NKAIN3: variants seen among roughly 807,000 people sequenced by gnomAD.
NKAIN3 encodes sodium/potassium transporting ATPase interacting 3, also known as sodium/potassium-transporting ATPase subunit beta-1-interacting protein 3.
NKAIN3 carries 25 observed loss-of-function variants against 30.2 expected under a neutral mutation model. The ratio of observed to expected loss-of-function variants is 0.83; its 90% CI spans 0.60 to 1.16. The LOEUF (loss-of-function observed/expected upper bound fraction) is 1.16, where lower values mean the gene tolerates loss of function less well. Ranked by LOEUF, NKAIN3 falls within the 50% of genes most tolerant of loss-of-function variation. The pLI is 0.00. For synonymous variants in NKAIN3, 91 were observed against 89.6 expected (o/e 1.02, Z -0.09); for missense variants, 225 against 254.1 (o/e 0.89, Z 0.78).
At chr8:62,811,945 G>GTT (rs142126650) in intron 4 of NKAIN3, among the ~76,000 whole-genome samples, 47 of 149,934 alleles carry the variant, frequency 3.1e-4, no homozygotes, top group Middle Eastern at 6.8e-3. Context: ...TTTCTCCTGT[G>GTT]TTTTTTTTTC....
chr8:62,381,506 A>G (rs1255957756), intron 1 of NKAIN3, among the ~76,000 whole-genome samples: 1 of 151,688 alleles, frequency 6.6e-6, no homozygotes. Context: ...ACATATATAT[A>G]TACATACACA....
intron 4 of NKAIN3, among the ~76,000 whole-genome samples, chr8:62,844,534 C>T (rs1022769407): frequency 6.6e-6 from 1 of 152,002 alleles, no homozygotes; most frequent in Non-Finnish European, 1.5e-5. Flanking sequence ...TACTTTTTAC[C>T]CAAGAATAGA....
At chr8:62,565,141 A>G (rs1267507859) in intron 1 of NKAIN3, among the ~76,000 whole-genome samples, 1 of 152,158 alleles carries the variant, frequency 6.6e-6, no homozygotes, top group African/African-American at 2.4e-5. Flanking sequence ...AGATTTTTAT[A>G]TCAATACATC....
intron 1 of NKAIN3, among the ~76,000 whole-genome samples, chr8:62,289,758 GT>G (rs1234329229): frequency 3.9e-5 from 6 of 152,118 alleles, no homozygotes; most frequent in African/African-American, 1.4e-4. Context: ...CTTTAAAGTA[GT>G]TTTTTCCAGT....
intron 1 of NKAIN3, among the ~76,000 whole-genome samples, chr8:62,382,949 C>G (rs1197216113): frequency 6.6e-6 from 1 of 152,150 alleles, no homozygotes; most frequent in Non-Finnish European, 1.5e-5. Context: ...GTAATCTTCA[C>G]AGACTTTCAC....
intron 1 of NKAIN3, among the ~76,000 whole-genome samples, chr8:62,376,456 T>A (rs1817087372): frequency 6.6e-6 from 1 of 152,202 alleles, no homozygotes; most frequent in African/African-American, 2.4e-5. Context: ...AGTCTGCTAG[T>A]CTTTTCAAGT....
At chr8:62,415,844 G>C (rs1973021) in intron 1 of NKAIN3, among the ~76,000 whole-genome samples, 20,983 of 151,682 alleles carry the variant, frequency 0.14, 1,735 homozygotes, top group East Asian at 0.41. Flanking sequence ...GGCAAGCTCT[G>C]CCTCCCGGGT....
intron 3 of NKAIN3, among the ~76,000 whole-genome samples, chr8:62,732,481 A>C (rs1191897905): frequency 2.0e-5 from 3 of 152,082 alleles, no homozygotes; most frequent in Non-Finnish European, 4.4e-5. Flanking sequence ...TATAATTTTC[A>C]TAAATGCTTC....
chr8:62,737,827 T>A (rs1468611571), intron 3 of NKAIN3, among the ~76,000 whole-genome samples: 1 of 152,118 alleles, frequency 6.6e-6, no homozygotes, highest in Non-Finnish European at 1.5e-5. Flanking sequence ...ACAAGATAAT[T>A]TTTTTTCCTT....
intron 4 of NKAIN3, among the ~76,000 whole-genome samples, chr8:62,838,885 A>AT (rs1213425516): frequency 6.6e-6 from 1 of 152,118 alleles, no homozygotes; most frequent in Admixed American, 6.6e-5. Flanking sequence ...TAAAAGAGTG[A>AT]TTTTTTATTA....
intron 1 of NKAIN3, among the ~76,000 whole-genome samples, chr8:62,293,892 G>A (rs1318192992): frequency 6.6e-6 from 1 of 152,140 alleles, no homozygotes; most frequent in Admixed American, 6.5e-5. Flanking sequence ...CACCCAGTTC[G>A]AGCTTCCAGG....
At chr8:62,928,211 A>G (rs7821305) in intron 5 of NKAIN3, among the ~76,000 whole-genome samples, 6,035 of 152,300 alleles carry the variant, frequency 0.04, 363 homozygotes, top group African/African-American at 0.13. Flanking sequence ...TCTCCTTCTA[A>G]ATTGTATAAG....
intron 6 of NKAIN3, among the ~76,000 whole-genome samples, chr8:62,962,370 A>G (rs1257437691): frequency 6.6e-6 from 1 of 152,254 alleles, no homozygotes; most frequent in Non-Finnish European, 1.5e-5. Context: ...TCAACAAACC[A>G]ATTGTAATGA....
intron 1 of NKAIN3, among the ~76,000 whole-genome samples, chr8:62,503,773 G>T (rs547224181): frequency 7.9e-5 from 12 of 151,972 alleles, no homozygotes; most frequent in African/African-American, 2.9e-4. Flanking sequence ...GCCCAACCCC[G>T]CAGGCAGTCA....
intron 4 of NKAIN3, among the ~76,000 whole-genome samples, chr8:62,776,589 G>C (rs971234075): frequency 3.3e-5 from 5 of 152,020 alleles, no homozygotes; most frequent in African/African-American, 1.2e-4. Context: ...AATAACAGCT[G>C]TATACTTTAA....
At chr8:62,953,176 A>G (rs1465488891) in intron 5 of NKAIN3, among the ~76,000 whole-genome samples, 2 of 152,134 alleles carry the variant, frequency 1.3e-5, no homozygotes, top group Non-Finnish European at 2.9e-5. Flanking sequence ...CAGTTTTCCT[A>G]CATGCCTGTA....
chr8:62,633,465 G>A (rs1416938318), intron 3 of NKAIN3, among the ~76,000 whole-genome samples: 3 of 152,112 alleles, frequency 2.0e-5, no homozygotes, highest in East Asian at 3.9e-4. Flanking sequence ...AAATACAATA[G>A]TAACAATAAT....
At chr8:62,447,826 G>A (rs1005525126) in intron 1 of NKAIN3, among the ~76,000 whole-genome samples, 1 of 152,028 alleles carries the variant, frequency 6.6e-6, no homozygotes, top group East Asian at 1.9e-4. Context: ...AAGGCCAAAT[G>A]GAAATAGAAG....
intron 1 of NKAIN3, among the ~76,000 whole-genome samples, chr8:62,421,620 T>TTC (rs377118283): frequency 3.0e-4 from 45 of 148,268 alleles, no homozygotes; most frequent in East Asian, 1.4e-3. Flanking sequence ...CTCTCTCTCT[T>TTC]TCTCTCTCTC....
Sources: gnomAD v4.1 joint callset for allele counts (sites outside exome capture counted in the v4.1 genomes callset) on GRCh38, gnomAD v4.1.1 for gene constraint, MANE v1.5 for transcripts, NCBI Gene and HGNC (gene_info 2026-07-23, HGNC 2026-07-21) for gene names.